Variants in CSMD3 observed in about 807,000 individuals in gnomAD.
CSMD3 encodes the protein CUB and sushi domain-containing protein 3.
CSMD3 carries 177 observed loss-of-function variants against 435.2 expected under a neutral mutation model. That is an observed-to-expected ratio of 0.41 (90% CI 0.36 to 0.46). The LOEUF is 0.46. Among genes scored for constraint, CSMD3 ranks in the 20% least tolerant of loss-of-function variants. CSMD3 has a pLI of 0.34. For synonymous variants in CSMD3, 1,656 were observed against 1,520.5 expected, an observed-to-expected ratio of 1.09 and a Z score of -2.07; for missense variants, 4,265 against 4,504.6, an observed-to-expected ratio of 0.95 and a Z score of 1.52.
At chr8:112,688,884 T>A (rs945517271) in intron 14 of CSMD3, among the ~76,000 whole-genome samples, 8 of 152,058 alleles carry the variant, frequency 5.3e-5, no homozygotes, top group Admixed American at 5.2e-4. Context: ...CCTTTTGGAA[T>A]CTGTTAAAAT....
In CSMD3 at chr8:112,984,277, T is replaced by TAA. The variant is rs2130981397; in HGVS notation, c.1031-8130_1031-8129insTT. ...TTTCCTTTACACAAATACCTTTCAT[T>TAA]TAGAGAATATAAGTAAAAAAGAACA... On this transcript the variant is annotated intron_variant, in intron 6 of 70. Transcript: ENST00000297405. Among the ~76,000 whole-genome samples, 9 of 152,104 alleles carry TAA rather than the reference T, an allele frequency of 5.9e-5. No homozygotes were observed. The South Asian group carries it at 1.9e-3, about 32-fold the overall frequency.
At chr8:113,322,678 A>C (rs2093957177) in intron 1 of CSMD3, among the ~76,000 whole-genome samples, 1 of 152,132 alleles carries the variant, frequency 6.6e-6, no homozygotes, top group South Asian at 2.1e-4. Context: ...AATTGGGGAG[A>C]GCTAACATTT....
At chr8:112,729,922 G>C (rs2077041172) in intron 13 of CSMD3, among the ~76,000 whole-genome samples, 1 of 152,032 alleles carries the variant, frequency 6.6e-6, no homozygotes. Flanking sequence ...AATTTCTTTT[G>C]TTTTCAGCCA....
At chr8:112,618,196 A>G (rs1009940915) in intron 22 of CSMD3, among the ~76,000 whole-genome samples, 4 of 152,146 alleles carry the variant, frequency 2.6e-5, no homozygotes, top group Non-Finnish European at 5.9e-5. Context: ...TTCTTCAATC[A>G]AAGAATGGTT....
chr8:112,626,162 T>A (rs1318459065), intron 22 of CSMD3, among the ~76,000 whole-genome samples: 1 of 152,124 alleles, frequency 6.6e-6, no homozygotes, highest in African/African-American at 2.4e-5. Flanking sequence ...TTTTATCTCA[T>A]ACCGATAATA....
chr8:112,234,487 G>GTCCTTGCATTTTA lies in CSMD3; in HGVS notation c.10628-11_10628-10insTAAAATGCAAGGA. 4 of 1,479,012 alleles carry GTCCTTGCATTTTA rather than the reference G, an allele frequency of 2.7e-6. No homozygotes were observed. Among genetic ancestry groups the GTCCTTGCATTTTA allele is most frequent in the Non-Finnish European group, 3.8e-6 (4 of 1,057,530 alleles). The allele number at this position is 1,479,012 out of a possible 1,614,324, so 91.6% of individuals were successfully genotyped here. ...TGGCTTTTATATACCCCTGTAAAAT[G>GTCCTTGCATTTTA]CAAGGACATTTTAGTCTACTTAACT... On this transcript the variant is annotated splice_polypyrimidine_tract_variant and intron_variant, in intron 67 of 70. Coordinates refer to ENST00000297405, the MANE Select transcript of CSMD3 (RefSeq NM_198123.2).
chr8:112,918,037 A>G (rs1158365303), intron 10 of CSMD3, among the ~76,000 whole-genome samples: 1 of 151,982 alleles, frequency 6.6e-6, no homozygotes, highest in Non-Finnish European at 1.5e-5. Flanking sequence ...TGAATTTTGC[A>G]GAGGCTTGCA....
intron 5 of CSMD3, among the ~76,000 whole-genome samples, chr8:113,078,402 C>A (rs1295422281): frequency 6.6e-6 from 1 of 152,172 alleles, no homozygotes; most frequent in Non-Finnish European, 1.5e-5. Context: ...ATGCCACTTC[C>A]ATTGGGAAAA....
chr8:113,391,226 A>G (rs199905294), intron 1 of CSMD3, among the ~76,000 whole-genome samples: 2 of 152,168 alleles, frequency 1.3e-5, no homozygotes, highest in East Asian at 3.9e-4. Flanking sequence ...AAGTGAAACA[A>G]AAGTTGACCT....
intron 23 of CSMD3, among the ~76,000 whole-genome samples, chr8:112,582,635 A>G (rs7830841): frequency 0.051 from 7,705 of 152,078 alleles, 249 homozygotes; most frequent in African/African-American, 0.096. Flanking sequence ...AAAGCATAAC[A>G]TGAAAAAGGG....
At chr8:112,691,609 T>C (rs1226042244) in intron 13 of CSMD3, among the ~76,000 whole-genome samples, 1 of 152,142 alleles carries the variant, frequency 6.6e-6, no homozygotes, top group Non-Finnish European at 1.5e-5. Context: ...GGTAGTTTAG[T>C]TGTAACAGAA....
intron 1 of CSMD3, among the ~76,000 whole-genome samples, chr8:113,388,786 A>G (rs2094449744): frequency 6.6e-6 from 1 of 151,558 alleles, no homozygotes. Context: ...GCTTTTCACA[A>G]TTTTAGCTTT....
chr8:112,821,808 T>G (rs534665501), intron 12 of CSMD3, among the ~76,000 whole-genome samples: 3 of 152,230 alleles, frequency 2.0e-5, no homozygotes, highest in Non-Finnish European at 4.4e-5. Context: ...CTTTAATCCA[T>G]CTTGAGTTAA....
intron 13 of CSMD3, among the ~76,000 whole-genome samples, chr8:112,772,572 G>A (rs1035248094): frequency 2.0e-5 from 3 of 152,002 alleles, no homozygotes; most frequent in African/African-American, 7.2e-5. Context: ...AAGACCTGAA[G>A]TTCCCCCAGC....
At chr8:112,853,053 CACTT>C (rs925078349) in intron 11 of CSMD3, among the ~76,000 whole-genome samples, 5 of 152,048 alleles carry the variant, frequency 3.3e-5, no homozygotes, top group Non-Finnish European at 7.4e-5. Flanking sequence ...ATACTTGAGA[CACTT>C]AATCTGATTC....
intron 33 of CSMD3, 47 bp from the exon 34 acceptor site, chr8:112,408,460 A>G: frequency 9.0e-7 from 1 of 1,114,828 alleles, no homozygotes; most frequent in Non-Finnish European, 1.4e-6. Context: ...ATTTTCATTC[A>G]GTAAACCTAA....
intron 1 of CSMD3, among the ~76,000 whole-genome samples, chr8:113,359,415 C>G (rs2094256051): frequency 6.6e-6 from 1 of 152,150 alleles, no homozygotes. Context: ...AAACTTTTCC[C>G]TAAAGTGCCT....
At chr8:112,961,650 T>A (rs943305399) in intron 7 of CSMD3, among the ~76,000 whole-genome samples, 3 of 151,964 alleles carry the variant, frequency 2.0e-5, no homozygotes, top group Non-Finnish European at 4.4e-5. Flanking sequence ...ATAAAACTAA[T>A]TTGTTAATTT....
intron 4 of CSMD3, among the ~76,000 whole-genome samples, chr8:113,102,485 A>G (rs1180564879): frequency 6.6e-6 from 1 of 152,172 alleles, no homozygotes; most frequent in Admixed American, 6.5e-5. Context: ...TTAGTGAGTC[A>G]GGCTCTAAGC....
Sources: gnomAD v4.1 joint callset for allele counts (sites outside exome capture counted in the v4.1 genomes callset) on GRCh38, gnomAD v4.1.1 for gene constraint, MANE v1.5 for transcripts, NCBI Gene and HGNC (gene_info 2026-07-23, HGNC 2026-07-21) for gene names.